LEPR: variants seen among roughly 807,000 people sequenced by gnomAD.
LEPR encodes the protein leptin receptor, also known as OB receptor.
LEPR carries 56 observed loss-of-function variants against 114.7 expected under a neutral mutation model. The ratio of observed to expected loss-of-function variants is 0.49; its 90% CI spans 0.39 to 0.61. The LOEUF is 0.61. LEPR is among the 20% of genes least tolerant of loss of function. LEPR has a pLI of 0.00. For synonymous variants in LEPR, 443 were observed against 461.4 expected (o/e 0.96, Z 0.51); for missense variants, 1,202 against 1,352.9 (o/e 0.89, Z 1.75).
At chr1:65,590,033 T>C (rs1371397879) in intron 5 of LEPR, among the ~76,000 whole-genome samples, 3 of 151,918 alleles carry the variant, frequency 2.0e-5, no homozygotes, top group African/African-American at 7.2e-5. Flanking sequence ...ATTAACCATA[T>C]TGAGTCTTCT....
intron 2 of LEPR, among the ~76,000 whole-genome samples, chr1:65,441,571 A>G (rs895996631): frequency 2.0e-5 from 3 of 152,200 alleles, no homozygotes; most frequent in Non-Finnish European, 4.4e-5. Context: ...TTAATCTTAG[A>G]TAAGCCATTT....
At chr1:65,511,470 ACG>A (rs1204963420) in intron 2 of LEPR, among the ~76,000 whole-genome samples, 79 of 141,488 alleles carry the variant, frequency 5.6e-4, no homozygotes, top group Non-Finnish European at 1.0e-3. Flanking sequence ...ACACACACAC[ACG>A]TGTATTTTTC....
At chr1:65,473,632 G>A (rs962218914) in intron 2 of LEPR, among the ~76,000 whole-genome samples, 3 of 152,078 alleles carry the variant, frequency 2.0e-5, no homozygotes, top group Admixed American at 6.5e-5. Context: ...TGTCAGATTC[G>A]GGGCATTTTA....
At chr1:65,574,931 A>G (rs1654472239) in intron 5 of LEPR, among the ~76,000 whole-genome samples, 1 of 152,170 alleles carries the variant, frequency 6.6e-6, no homozygotes, top group Non-Finnish European at 1.5e-5. Flanking sequence ...GGTTGCCAGA[A>G]CAAAGGGAAA....
At position 65,460,267 on chromosome 1, in the gene LEPR, A is replaced by G. The variant is rs116563788; in HGVS notation, c.-21+34889A>G. Among the ~76,000 whole-genome samples the G allele has an allele frequency of 5.0e-3, 763 of 152,274 alleles. 8 individuals carry two copies. The highest frequency in any genetic ancestry group is 0.018 in the African/African-American group (735 of 41,540). ...GAGAGAGAAAGTAACTTTCCCAAAG[A>G]ACACAGCTAGCAAGTGCCAGAGTCA... is the stretch of plus-strand genomic sequence containing the variant. On this transcript the variant is annotated intron_variant, in intron 2 of 19. Coordinates refer to ENST00000349533, the MANE Select transcript of LEPR (RefSeq NM_002303.6).
intron 2 of LEPR, among the ~76,000 whole-genome samples, chr1:65,558,528 TTTTTTTTTTG>T (rs1302381216): frequency 1.7e-4 from 8 of 47,742 alleles, no homozygotes; most frequent in Non-Finnish European, 2.1e-4. Context: ...AATCAGAAGT[TTTTTTTTTTG>T]TTTTTTTTTT....
At chr1:65,479,328 G>T (rs185899682) in intron 2 of LEPR, among the ~76,000 whole-genome samples, 1 of 152,174 alleles carries the variant, frequency 6.6e-6, no homozygotes, top group African/African-American at 2.4e-5. Context: ...GAACATTTAT[G>T]AATCTAGGCA....
intron 2 of LEPR, among the ~76,000 whole-genome samples, chr1:65,436,511 A>C (rs1646564812): frequency 6.6e-6 from 1 of 152,224 alleles, no homozygotes; most frequent in South Asian, 2.1e-4. Flanking sequence ...GTAAAGTTAA[A>C]CTTTTAATAG....
intron 2 of LEPR, among the ~76,000 whole-genome samples, chr1:65,443,851 T>C (rs553569459): frequency 6.6e-6 from 1 of 152,258 alleles, no homozygotes; most frequent in South Asian, 2.1e-4. Context: ...GAAATCTGCA[T>C]TGGTGAGGTA....
chr1:65,488,253 TTTCTTTTC>T (rs1359025096), intron 2 of LEPR, among the ~76,000 whole-genome samples: 1 of 139,412 alleles, frequency 7.2e-6, no homozygotes, highest in Admixed American at 7.4e-5. Flanking sequence ...TCTTTCTTTC[TTTCTTTTC>T]TTTCTCTTTC....
At chr1:65,530,473 A>C (rs1312626624) in intron 2 of LEPR, among the ~76,000 whole-genome samples, 1 of 152,200 alleles carries the variant, frequency 6.6e-6, no homozygotes, top group Non-Finnish European at 1.5e-5. Flanking sequence ...AGCAGCCCCA[A>C]GGTCTGCTGG....
chr1:65,519,863 T>C (rs1195471841), intron 2 of LEPR, among the ~76,000 whole-genome samples: 1 of 151,868 alleles, frequency 6.6e-6, no homozygotes, highest in Non-Finnish European at 1.5e-5. Context: ...TTTTTTTGTT[T>C]TGTTTTGTTT....
chr1:65,433,410 CTTTT>C, intron 2 of LEPR: 2 of 985,384 alleles, frequency 2.0e-6, no homozygotes, highest in Non-Finnish European at 2.4e-6. Flanking sequence ...CCCTGCTCAC[CTTTT>C]TGTCTAAGAT....
chr1:65,564,278 A>T (rs1243805314), intron 2 of LEPR, among the ~76,000 whole-genome samples: 1 of 148,894 alleles, frequency 6.7e-6, no homozygotes, highest in African/African-American at 2.4e-5. Context: ...TAAGTCAGTC[A>T]GAAAAGCGCA....
chr1:65,515,775 CTG>C (rs1187937828), intron 2 of LEPR, among the ~76,000 whole-genome samples: 2 of 152,200 alleles, frequency 1.3e-5, no homozygotes, highest in African/African-American at 4.8e-5. Flanking sequence ...ACTATAAAAA[CTG>C]TGTGTCCTGG....
intron 5 of LEPR, among the ~76,000 whole-genome samples, chr1:65,583,559 C>G (rs914490042): frequency 1.3e-5 from 2 of 152,064 alleles, no homozygotes; most frequent in Non-Finnish European, 2.9e-5. Flanking sequence ...CTATACTATT[C>G]CCCAAAATGC....
At chr1:65,622,445 T>C (rs61781312) in intron 18 of LEPR, among the ~76,000 whole-genome samples, 26,552 of 152,070 alleles carry the variant, frequency 0.17, 2,455 homozygotes, top group Middle Eastern at 0.23. Context: ...ATACTCTCTG[T>C]GCTGAGAAGT....
intron 2 of LEPR, among the ~76,000 whole-genome samples, chr1:65,563,586 G>A (rs1444319797): frequency 4.9e-5 from 5 of 103,076 alleles, no homozygotes; most frequent in African/African-American, 1.0e-4. Context: ...GCTTTGTTCC[G>A]TTGCTGGTGA....
intron 2 of LEPR, among the ~76,000 whole-genome samples, chr1:65,442,781 A>G (rs1646665980): frequency 6.6e-6 from 1 of 152,240 alleles, no homozygotes; most frequent in African/African-American, 2.4e-5. Flanking sequence ...ACCTGGGAAT[A>G]CAAAGATCAA....
Sources: gnomAD v4.1 joint callset for allele counts (sites outside exome capture counted in the v4.1 genomes callset) on GRCh38, gnomAD v4.1.1 for gene constraint, MANE v1.5 for transcripts, NCBI Gene and HGNC (gene_info 2026-07-23, HGNC 2026-07-21) for gene names.